Variants in TLE1 observed in about 807,000 individuals in gnomAD.
TLE1 encodes the protein transducin-like enhancer protein 1.
A neutral mutation model predicts 89.8 loss-of-function variants in TLE1; 21 were observed. That is an observed-to-expected ratio of 0.23 (90% CI 0.17 to 0.34). The LOEUF is 0.34. Ranked by LOEUF, TLE1 falls within the 10% of genes least tolerant of loss-of-function variation. The pLI is 1.00. For missense variants in TLE1, 795 were observed against 1,031.2 expected (o/e 0.77, Z 3.14); for synonymous variants, 447 against 407.6 (o/e 1.10, Z -1.16).
At chr9:81,679,124 G>A (rs1215382352) in intron 4 of TLE1, among the ~76,000 whole-genome samples, 1 of 151,970 alleles carries the variant, frequency 6.6e-6, no homozygotes, top group Non-Finnish European at 1.5e-5. Flanking sequence ...CTCCAGTCTG[G>A]GTAACAGATT....
chr9:81,642,343 A>G (rs1828235910), intron 6 of TLE1, among the ~76,000 whole-genome samples: 1 of 152,100 alleles, frequency 6.6e-6, no homozygotes, highest in East Asian at 1.9e-4. Flanking sequence ...AGGGCTGCTC[A>G]ATCTGTACAT....
chr9:81,635,621 T>C (rs1458982281), intron 6 of TLE1, among the ~76,000 whole-genome samples: 1 of 152,206 alleles, frequency 6.6e-6, no homozygotes, highest in Non-Finnish European at 1.5e-5. Flanking sequence ...TTCTCCAGAT[T>C]CTGATTTGTG....
In TLE1 at chr9:81,633,341, T is replaced by C; in HGVS notation, c.594+7A>G. Reference sequence around the variant, plus strand: ...TGTGTGTGTGCAGCAGGCGTTTGAGTACTTACTGTGCCCGGCTCTCTGTCT... The same window carrying C: ...TGTGTGTGTGCAGCAGGCGTTTGAGCACTTACTGTGCCCGGCTCTCTGTCT... On this transcript the variant is annotated splice_region_variant and intron_variant, in intron 8 of 19. Coordinates refer to ENST00000376499, the MANE Select transcript of TLE1 (RefSeq NM_005077.5). 6.2e-7 allele frequency: 1 copy of C among 1,609,292 alleles called. No homozygotes were observed. The highest frequency in any genetic ancestry group is 8.5e-7 in the Non-Finnish European group (1 of 1,177,786).
At chr9:81,612,579 C>G (rs1024270982) in intron 12 of TLE1, among the ~76,000 whole-genome samples, 6 of 152,080 alleles carry the variant, frequency 3.9e-5, no homozygotes, top group Non-Finnish European at 7.3e-5. Context: ...ACCACTGATT[C>G]CTGAAGCCTC....
chr9:81,652,383 G>T (rs1588128733), intron 5 of TLE1, 95 bp from the exon 6 acceptor site: 1 of 983,770 alleles, frequency 1.0e-6, no homozygotes. Flanking sequence ...TGCAATGCAG[G>T]CTGAAGTAGA....
intron 6 of TLE1, among the ~76,000 whole-genome samples, chr9:81,635,317 T>C (rs529939311): frequency 6.6e-6 from 1 of 152,190 alleles, no homozygotes; most frequent in Non-Finnish European, 1.5e-5. Context: ...AAAGCACTTA[T>C]GTGTGGGACT....
At chr9:81,589,944 C>T (rs148064084) in intron 16 of TLE1, among the ~76,000 whole-genome samples, 205 of 152,100 alleles carry the variant, frequency 1.3e-3, no homozygotes, top group African/African-American at 4.4e-3. Context: ...ATTTCTACAG[C>T]GGAGGTTTGA....
chr9:81,631,380 C>CT lies in TLE1; in HGVS notation c.594+1967dup, dbSNP rs1826584114. ...TCTACTAGCTTAAGCATACAAACCT[C>CT]TGCCTATTCACACCCCTGGCATTTC... On this transcript the variant is annotated intron_variant, in intron 8 of 19. Coordinates refer to ENST00000376499, the MANE Select transcript of TLE1 (RefSeq NM_005077.5). Among the ~76,000 whole-genome samples, 5 of 152,252 alleles carry CT rather than the reference C, an allele frequency of 3.3e-5. No individual in the cohort carries two copies. The South Asian group carries it at 1.0e-3, about 31-fold the overall frequency.
chr9:81,625,079 G>A (rs1464783049), intron 8 of TLE1, among the ~76,000 whole-genome samples: 1 of 152,134 alleles, frequency 6.6e-6, no homozygotes, highest in African/African-American at 2.4e-5. Context: ...AAAATGGGCA[G>A]AACTGGCATA....
chr9:81,675,709 T>TTTGTTTGTTTG (rs1365988314), intron 4 of TLE1, among the ~76,000 whole-genome samples: 8 of 134,208 alleles, frequency 6.0e-5, no homozygotes, highest in African/African-American at 2.3e-4. Flanking sequence ...TTTTTTTTTG[T>TTTGTTTGTTTG]TTTTTTTTTT....
chr9:81,620,035 T>C (rs1395633184), intron 9 of TLE1, among the ~76,000 whole-genome samples: 1 of 152,216 alleles, frequency 6.6e-6, no homozygotes, highest in Admixed American at 6.5e-5. Context: ...GAGTGGCTAC[T>C]AAATTCACAG....
intron 6 of TLE1, among the ~76,000 whole-genome samples, chr9:81,642,625 T>C (rs575436301): frequency 1.7e-4 from 25 of 151,452 alleles, no homozygotes; most frequent in Non-Finnish European, 2.8e-4. Flanking sequence ...ACCCAAGAGA[T>C]AGAGGTTGCA....
chr9:81,685,556 A>G, intron 4 of TLE1, 120 bp downstream of exon 4: 1 of 966,494 alleles, frequency 1.0e-6, no homozygotes, highest in East Asian at 2.6e-5. Context: ...ACAGGAAACC[A>G]AGGCAGAAAA....
chr9:81,647,757 T>C (rs752826983), intron 6 of TLE1, among the ~76,000 whole-genome samples: 44 of 152,166 alleles, frequency 2.9e-4, no homozygotes, highest in Non-Finnish European at 5.3e-4. Context: ...ATAAAGCTAA[T>C]AGATGGCAGC....
At chr9:81,677,645 C>A (rs1339318893) in intron 4 of TLE1, among the ~76,000 whole-genome samples, 3 of 151,352 alleles carry the variant, frequency 2.0e-5, no homozygotes, top group Non-Finnish European at 4.4e-5. Flanking sequence ...TATACCTAGA[C>A]TAGTATCATA....
intron 4 of TLE1, among the ~76,000 whole-genome samples, chr9:81,662,560 T>C (rs1344874475): frequency 6.6e-6 from 1 of 151,718 alleles, no homozygotes; most frequent in Non-Finnish European, 1.5e-5. Flanking sequence ...TAGCAGGGCA[T>C]GGTGATGCAT....
chr9:81,628,642 C>T (rs1376045848), intron 8 of TLE1, among the ~76,000 whole-genome samples: 2 of 152,124 alleles, frequency 1.3e-5, no homozygotes, highest in African/African-American at 2.4e-5. Context: ...TTATATAAAA[C>T]AAGGTGATGT....
chr9:81,594,284 T>C (rs1188103429), intron 14 of TLE1, among the ~76,000 whole-genome samples: 2 of 151,938 alleles, frequency 1.3e-5, no homozygotes, highest in Non-Finnish European at 2.9e-5. Context: ...CCAACCCAAA[T>C]GCCCATCAAT....
chr9:81,687,747 T>A (rs962890700), intron 1 of TLE1, among the ~76,000 whole-genome samples: 4 of 151,090 alleles, frequency 2.6e-5, no homozygotes, highest in Non-Finnish European at 5.9e-5. Context: ...ATTGTCGGTG[T>A]CGCCGCCCCT....
Sources: allele counts gnomAD v4.1 joint callset (sites outside exome capture counted in the v4.1 genomes callset), GRCh38; gene constraint gnomAD v4.1.1; transcripts MANE v1.5; gene names NCBI Gene and HGNC (gene_info 2026-07-23, HGNC 2026-07-21).